The following APTX variants were observed in gnomAD, a reference collection of about 807,000 sequenced individuals.
The protein encoded by APTX is forkhead-associated domain histidine triad-like protein.
In APTX, 33 loss-of-function variants were observed where a neutral mutation model predicts 42.3. The observed-to-expected ratio is 0.78, with a 90% confidence interval of 0.59 to 1.04. APTX has a LOEUF of 1.04. Ranked by LOEUF, APTX falls within the 50% of genes least tolerant of loss-of-function variation. APTX has a pLI of 0.00. For synonymous variants in APTX, 130 were observed against 146.7 expected, an observed-to-expected ratio of 0.89 and a Z score of 0.82; for missense variants, 421 against 415.1, an observed-to-expected ratio of 1.01 and a Z score of -0.12.
At chr9:32,978,029 G>GT (rs1829859558) in intron 6 of APTX, among the ~76,000 whole-genome samples, 3 of 151,826 alleles carry the variant, frequency 2.0e-5, no homozygotes, top group Non-Finnish European at 4.4e-5. Context: ...ATCCTTTTTT[G>GT]TTTTTTGAAA....
upstream of APTX, among the ~76,000 whole-genome samples, chr9:33,004,025 G>A (rs1407012715): frequency 6.6e-6 from 1 of 152,154 alleles, no homozygotes; most frequent in African/African-American, 2.4e-5. Flanking sequence ...CAACCTAAAT[G>A]CCCATGAACT....
In APTX at chr9:32,984,669, G is replaced by A. The variant is rs146721073; in HGVS notation, c.732C>T (p.Leu244=). The stretch of plus-strand genomic sequence containing the variant: ...TGGCGTGGTAGCCCAATCGGAAGCG[G>A]AGTTTGCTGGACCCAGCAAAATCTA... ...VIVDFAGSSK[L]RFRLGYHAIP... is the part of the protein sequence containing the mutation. Residue 244 remains leucine (L), a synonymous_variant, in exon 6 of 8, where the codon CTC becomes CTT. Coordinates refer to ENST00000379817, the MANE Select transcript of APTX (RefSeq NM_001195248.2). 2.5e-6 allele frequency: 4 copies of A among 1,614,088 alleles called. No individual in the cohort carries two copies. In the African/African-American group the frequency reaches 5.3e-5, roughly 22 times the overall value.
intron 1 of APTX, among the ~76,000 whole-genome samples, chr9:33,013,334 A>C (rs1837668554): frequency 1.3e-5 from 2 of 152,188 alleles, no homozygotes; most frequent in East Asian, 1.9e-4. Flanking sequence ...GCCAGGATTC[A>C]GTTTCCAGAA....
In APTX at chr9:32,972,826, G is replaced by A. The variant is rs750414984; in HGVS notation, c.*672C>T. ...GAAGACTTCACAGCTCAATCATGAC[G>A]AACATGTGGCTGTTTCCTCACAGCC... On this transcript the variant is annotated 3_prime_UTR_variant, in exon 8 of 8. Coordinates refer to ENST00000379817, the MANE Select transcript of APTX (RefSeq NM_001195248.2). 17 of 453,920 alleles carry A rather than the reference G, an allele frequency of 3.7e-5. No individual in the cohort carries two copies. The highest frequency in any genetic ancestry group is 1.6e-4 in the Admixed American group (7 of 42,540). 28.1% of individuals were successfully genotyped at this position (453,920 alleles called of 1,614,324 possible). A position where few individuals can be genotyped will look rare whatever the true frequency, so the allele number is the denominator to read the frequency against.
intron 2 of APTX, among the ~76,000 whole-genome samples, chr9:32,988,811 C>T (rs946193929): frequency 6.7e-6 from 1 of 148,794 alleles, no homozygotes; most frequent in Non-Finnish European, 1.5e-5. Flanking sequence ...AAAGATAAAA[C>T]AGTAAAAGAC....
chr9:32,988,982 A>C (rs1034791112), intron 2 of APTX, among the ~76,000 whole-genome samples: 2 of 152,156 alleles, frequency 1.3e-5, no homozygotes, highest in Non-Finnish European at 2.9e-5. Flanking sequence ...TGGAGTTGAG[A>C]CAGGGAGGAA....
At chr9:32,974,356 T>C (rs1402102326) in intron 7 of APTX, 102 bp downstream of exon 7, 8 of 792,774 alleles carry the variant, frequency 1.0e-5, no homozygotes, top group South Asian at 2.9e-5. Context: ...AAGTTGTACA[T>C]AGGTTTTTGA....
chr9:33,005,241 A>G (rs1398474730), upstream of APTX, among the ~76,000 whole-genome samples: 1 of 152,106 alleles, frequency 6.6e-6, no homozygotes, highest in Non-Finnish European at 1.5e-5. Flanking sequence ...TGGATGCACA[A>G]AACTTAATTG....
intron 6 of APTX, among the ~76,000 whole-genome samples, chr9:32,977,130 C>T (rs1020894001): frequency 7.2e-5 from 11 of 152,108 alleles, no homozygotes; most frequent in African/African-American, 2.7e-4. Flanking sequence ...AGTCAAGGTA[C>T]ATTTTCACTT....
intron 2 of APTX, among the ~76,000 whole-genome samples, chr9:32,988,689 A>G (rs1012056479): frequency 0.25 from 16,858 of 67,984 alleles, 2,112 homozygotes; most frequent in Non-Finnish European, 0.37. Context: ...TCAGGAGGAA[A>G]AAAAAAAAAA....
intron 1 of APTX, chr9:33,024,846 A>C (rs1265050441): frequency 1.0e-5 from 1 of 97,710 alleles, no homozygotes; most frequent in East Asian, 3.6e-4. Context: ...CAAAAAGAGA[A>C]GAGGCGCCCG....
At chr9:33,012,789 G>C (rs900924915) in intron 1 of APTX, among the ~76,000 whole-genome samples, 4 of 152,156 alleles carry the variant, frequency 2.6e-5, no homozygotes, top group African/African-American at 7.2e-5. Context: ...CCAATTTTGA[G>C]GGCAGCTTGC....
upstream of APTX, among the ~76,000 whole-genome samples, chr9:33,003,631 CA>C (rs138295580): frequency 2.0e-5 from 3 of 148,308 alleles, no homozygotes; most frequent in African/African-American, 7.4e-5. Context: ...GACTCTGCCT[CA>C]AAAAAAAAAC....
chr9:32,992,981 A>G (rs1189194951), intron 1 of APTX, among the ~76,000 whole-genome samples: 2 of 152,234 alleles, frequency 1.3e-5, no homozygotes, highest in Non-Finnish European at 2.9e-5. Flanking sequence ...CTGGAAACAG[A>G]TGAATGAGCA....
intron 1 of APTX, among the ~76,000 whole-genome samples, chr9:33,010,774 C>A (rs1837485930): frequency 6.6e-6 from 1 of 150,898 alleles, no homozygotes. Flanking sequence ...ATGGGTGAGG[C>A]AGATCATAAG....
chr9:32,983,725 T>A (rs970905130), intron 6 of APTX, among the ~76,000 whole-genome samples: 1 of 152,160 alleles, frequency 6.6e-6, no homozygotes, highest in African/African-American at 2.4e-5. Context: ...AATAAGTAAG[T>A]AAATAAGTAA....
At position 32,973,203 on chromosome 9, in the gene APTX, G is replaced by A. The variant is rs1828456621; in HGVS notation, c.*295C>T. ...CTTCCATACTCTGCATTAGGTCAGT[G>A]TGAACATGGCTTTGCTCCCAATGGT... is the stretch of plus-strand genomic sequence containing the variant. On this transcript the variant is annotated 3_prime_UTR_variant, in exon 8 of 8. Transcript: ENST00000379817. 7.6e-6 allele frequency: 4 copies of A among 528,408 alleles called. No homozygotes were observed. Among genetic ancestry groups the A allele is most frequent in the Non-Finnish European group, 1.5e-5 (4 of 275,780 alleles). 32.7% of individuals were successfully genotyped at this position (528,408 alleles called of 1,614,324 possible).
chr9:32,974,399 C>T, intron 7 of APTX, 59 bp downstream of exon 7: 1 of 1,140,182 alleles, frequency 8.8e-7, no homozygotes, highest in Non-Finnish European at 1.3e-6. Context: ...ACAACCAAAT[C>T]AAATATAAGA....
chr9:33,004,814 T>A (rs922190126), upstream of APTX, among the ~76,000 whole-genome samples: 37 of 151,314 alleles, frequency 2.4e-4, no homozygotes, highest in Admixed American at 1.1e-3. Flanking sequence ...TGTATTTTTT[T>A]TTTTTTTAGA....
Sources: gnomAD v4.1 joint callset for allele counts (sites outside exome capture counted in the v4.1 genomes callset) on GRCh38, gnomAD v4.1.1 for gene constraint, MANE v1.5 for transcripts, NCBI Gene and HGNC (gene_info 2026-07-23, HGNC 2026-07-21) for gene names.